The following TSPAN9 variants were observed in gnomAD, a reference collection of about 807,000 sequenced individuals.
TSPAN9 encodes tetraspanin-9.
In TSPAN9, 16 loss-of-function variants were observed where a neutral mutation model predicts 31.0. The ratio of observed to expected loss-of-function variants is 0.52; its 90% CI spans 0.35 to 0.78. TSPAN9 has a LOEUF of 0.78. TSPAN9 is among the 30% of genes least tolerant of loss of function. TSPAN9 has a pLI of 0.01. For synonymous variants in TSPAN9, 145 were observed against 121.6 expected, an observed-to-expected ratio of 1.19 and a Z score of -1.27; for missense variants, 272 against 312.5, an observed-to-expected ratio of 0.87 and a Z score of 0.98.
chr12:3,268,884 G>A (rs1173065679), intron 3 of TSPAN9, among the ~76,000 whole-genome samples: 1 of 107,446 alleles, frequency 9.3e-6, no homozygotes, highest in Non-Finnish European at 1.9e-5. Flanking sequence ...GTGCGTTCCT[G>A]CAGCCTGCCC....
chr12:3,255,163 G>T (rs1862322384), intron 3 of TSPAN9, among the ~76,000 whole-genome samples: 3 of 152,260 alleles, frequency 2.0e-5, no homozygotes, highest in African/African-American at 7.2e-5. Flanking sequence ...GCTGATGGGT[G>T]CAGGGACAGT....
intron 2 of TSPAN9, among the ~76,000 whole-genome samples, chr12:3,144,874 C>T (rs895010118): frequency 6.6e-6 from 1 of 152,258 alleles, no homozygotes; most frequent in African/African-American, 2.4e-5. Context: ...AAAAAGCTTG[C>T]ATTTAAACCA....
At chr12:3,276,481 C>T (rs519474) in intron 3 of TSPAN9, among the ~76,000 whole-genome samples, 16,285 of 152,230 alleles carry the variant, frequency 0.11, 1,070 homozygotes, top group Middle Eastern at 0.28. Context: ...AGGCTCCTTC[C>T]CACTCCGGGG....
chr12:3,134,152 G>A (rs758456541), intron 2 of TSPAN9, among the ~76,000 whole-genome samples: 150 of 152,280 alleles, frequency 9.9e-4, no homozygotes, highest in Admixed American at 2.0e-3. Flanking sequence ...CTTTCCCGCC[G>A]TGGACTGTGG....
chr12:3,103,292 G>A (rs769283043), intron 2 of TSPAN9, among the ~76,000 whole-genome samples: 3 of 152,174 alleles, frequency 2.0e-5, no homozygotes, highest in Non-Finnish European at 4.4e-5. Flanking sequence ...AGCCTCGTCC[G>A]CGGTAGCTGT....
intron 2 of TSPAN9, among the ~76,000 whole-genome samples, chr12:3,179,817 A>G (rs1039635412): frequency 6.6e-6 from 1 of 152,178 alleles, no homozygotes; most frequent in African/African-American, 2.4e-5. Flanking sequence ...CCAGAGTTCT[A>G]TCTGGCAGAT....
At chr12:3,083,907 C>A (rs2098299139) in intron 2 of TSPAN9, 188 bp downstream of exon 2, 1 of 152,280 alleles carries the variant, frequency 6.6e-6, no homozygotes, top group Non-Finnish European at 1.5e-5. Context: ...TTAAATTGGG[C>A]TTTGGGGGCC....
At chr12:3,118,279 T>TTG (rs2098323513) in intron 2 of TSPAN9, among the ~76,000 whole-genome samples, 1 of 130,066 alleles carries the variant, frequency 7.7e-6, no homozygotes, top group Non-Finnish European at 1.6e-5. Flanking sequence ...TTTTTTTTTT[T>TTG]TGAGATGGAG....
At chr12:3,127,814 T>C (rs867065034) in intron 2 of TSPAN9, among the ~76,000 whole-genome samples, 6 of 152,196 alleles carry the variant, frequency 3.9e-5, no homozygotes, top group Non-Finnish European at 7.3e-5. Context: ...AAAAAATTCA[T>C]GGGGTCTTGC....
rs1591659042 is a variant in TSPAN9, at chr12:3,172,223, C to T, written c.-17-28954C>T. The T allele has an allele frequency of 6.6e-6, 1 of 152,326 alleles. No individual in the cohort carries two copies. The highest frequency in any genetic ancestry group is 1.5e-5 in the Non-Finnish European group (1 of 68,106). 9.4% of individuals were successfully genotyped at this position (152,326 alleles called of 1,614,324 possible). On this transcript the variant is annotated intron_variant, in intron 2 of 8. Coordinates refer to ENST00000011898, the MANE Select transcript of TSPAN9 (RefSeq NM_006675.5). The surrounding 1 kb of genome is among the most constrained non-coding windows in gnomAD (Gnocchi z 4.8). ...GATCCATCCGTCACCCTTCCCCCGC[C>T]CCCACCCCAGCCTCAGCTCTCAGCG...
At chr12:3,247,639 T>C (rs1179879022) in intron 3 of TSPAN9, among the ~76,000 whole-genome samples, 2 of 152,182 alleles carry the variant, frequency 1.3e-5, no homozygotes, top group African/African-American at 4.8e-5. Flanking sequence ...TCACGTCCAT[T>C]GTCATCTCCT....
chr12:3,111,127 G>A lies in TSPAN9; in HGVS notation c.-18+27408G>A, dbSNP rs1004903637. Among the ~76,000 whole-genome samples, 15 of 152,116 alleles carry A rather than the reference G, an allele frequency of 9.9e-5. 1 individual carries two copies. The highest frequency in any genetic ancestry group is 3.6e-4 in the African/African-American group (15 of 41,432). On this transcript the variant is annotated intron_variant, in intron 2 of 8. Coordinates refer to ENST00000011898, the MANE Select transcript of TSPAN9 (RefSeq NM_006675.5). ...TGTCCTCTCTCATTTGTGGCACAAC[G>A]GTGTAAGTCTCCTGTGGAAAAGAAC...
At chr12:3,220,326 C>G (rs546458944) in intron 3 of TSPAN9, among the ~76,000 whole-genome samples, 15 of 152,170 alleles carry the variant, frequency 9.9e-5, no homozygotes, top group Admixed American at 6.5e-5. Flanking sequence ...CACTATTTTG[C>G]CCTTTACTGT....
At chr12:3,185,766 G>C (rs557974484) in intron 2 of TSPAN9, among the ~76,000 whole-genome samples, 1 of 152,370 alleles carries the variant, frequency 6.6e-6, no homozygotes, top group East Asian at 1.9e-4. Flanking sequence ...AACCACTGGG[G>C]TAGAGAGTGT....
chr12:3,083,490 A>G (rs939451526), intron 1 of TSPAN9, among the ~76,000 whole-genome samples, 163 bp from the exon 2 acceptor site: 1 of 152,228 alleles, frequency 6.6e-6, no homozygotes, highest in African/African-American at 2.4e-5. Context: ...GAGTGGCATT[A>G]GCACACTGCC....
chr12:3,253,938 A>G (rs1862300607), intron 3 of TSPAN9, among the ~76,000 whole-genome samples: 1 of 152,222 alleles, frequency 6.6e-6, no homozygotes. Flanking sequence ...CAGGAGGTCC[A>G]GGGTGGAGCC....
intron 2 of TSPAN9, among the ~76,000 whole-genome samples, chr12:3,110,840 T>G (rs890828448): frequency 3.3e-5 from 5 of 152,334 alleles, no homozygotes; most frequent in Middle Eastern, 3.4e-3. Context: ...CACTGTTGAC[T>G]TTTTCTTCAT....
chr12:3,194,391 TTTC>T (rs2098366065), intron 2 of TSPAN9, among the ~76,000 whole-genome samples: 1 of 152,092 alleles, frequency 6.6e-6, no homozygotes, highest in Non-Finnish European at 1.5e-5. Context: ...TGCTTGTTTT[TTTC>T]TTTTCTTTTT....
chr12:3,133,508 G>T (rs1174573118), intron 2 of TSPAN9, among the ~76,000 whole-genome samples: 4 of 152,278 alleles, frequency 2.6e-5, no homozygotes, highest in Non-Finnish European at 2.9e-5. Context: ...GAGAGCCTTG[G>T]TATGTATTCA....
Sources: gnomAD v4.1 joint callset for allele counts (sites outside exome capture counted in the v4.1 genomes callset) on GRCh38, gnomAD v4.1.1 for gene constraint, Gnocchi (gnomAD v3.1) non-coding constraint, MANE v1.5 for transcripts, NCBI Gene and HGNC (gene_info 2026-07-23, HGNC 2026-07-21) for gene names.